The following MAML2 variants were observed in gnomAD, a reference collection of about 807,000 sequenced individuals.
MAML2 encodes mastermind like transcriptional coactivator 2, also known as mastermind-like protein 2.
Under a neutral mutation model 96.1 loss-of-function variants are expected in MAML2, and 22 were observed. That is an observed-to-expected ratio of 0.23 (90% CI 0.16 to 0.33). The LOEUF (loss-of-function observed/expected upper bound fraction) is 0.33. Ranked by LOEUF, MAML2 falls within the 10% of genes least tolerant of loss-of-function variation. The pLI, the probability that MAML2 is intolerant of heterozygous loss-of-function variation, is 1.00. For synonymous variants in MAML2, 561 were observed against 521.3 expected, an observed-to-expected ratio of 1.08 and a Z score of -1.04; for missense variants, 1,367 against 1,392.4, an observed-to-expected ratio of 0.98 and a Z score of 0.29.
At chr11:96,126,013 G>C (rs958563007) in intron 1 of MAML2, among the ~76,000 whole-genome samples, 1 of 152,176 alleles carries the variant, frequency 6.6e-6, no homozygotes, top group Non-Finnish European at 1.5e-5. Flanking sequence ...CAAGAACTCA[G>C]ACTTCAAGTG....
In MAML2 at chr11:96,282,142, G is replaced by A. The variant is rs530583499; in HGVS notation, c.513+59241C>T. On this transcript the variant is annotated intron_variant, in intron 1 of 4. Transcript: ENST00000524717. ...CGGGCCCCTGTAGTCCAAGCTACTC[G>A]GGAGGCTGAGGCAGGAGAATGGCGT... 1.9e-3 allele frequency among the ~76,000 whole-genome samples: 283 copies of A among 151,826 alleles called. 1 individual carries two copies. Among genetic ancestry groups the A allele is most frequent in the Non-Finnish European group, 1.9e-3 (129 of 67,932 alleles).
At chr11:96,187,928 C>A (rs1354934799) in intron 1 of MAML2, among the ~76,000 whole-genome samples, 1 of 152,304 alleles carries the variant, frequency 6.6e-6, no homozygotes, top group East Asian at 1.9e-4. Flanking sequence ...CTTCTGACTC[C>A]AGCACTGTGC....
At chr11:96,045,574 C>G (rs916599069) in intron 2 of MAML2, among the ~76,000 whole-genome samples, 1 of 152,150 alleles carries the variant, frequency 6.6e-6, no homozygotes, top group Non-Finnish European at 1.5e-5. Context: ...AACAAAACAA[C>G]AATCAGAAAG....
intron 2 of MAML2, among the ~76,000 whole-genome samples, chr11:95,993,242 A>G (rs1049440979): frequency 6.6e-6 from 1 of 151,826 alleles, no homozygotes; most frequent in African/African-American, 2.4e-5. Flanking sequence ...TCATTCACCA[A>G]CTAAACTATG....
intron 1 of MAML2, among the ~76,000 whole-genome samples, chr11:96,328,330 G>A (rs963650715): frequency 6.6e-6 from 1 of 151,946 alleles, no homozygotes; most frequent in African/African-American, 2.4e-5. Context: ...AAATTCTAAG[G>A]TGCTTAGAGG....
chr11:96,170,047 A>G (rs1861259707), intron 1 of MAML2, among the ~76,000 whole-genome samples: 1 of 152,228 alleles, frequency 6.6e-6, no homozygotes, highest in South Asian at 2.1e-4. Flanking sequence ...CTCCACAACA[A>G]AAATGCCTTC....
intron 3 of MAML2, among the ~76,000 whole-genome samples, chr11:95,986,354 C>T (rs950814182): frequency 9.2e-5 from 14 of 152,010 alleles, no homozygotes; most frequent in African/African-American, 2.4e-4. Context: ...CCCGCCATCA[C>T]GCCCAGCAAA....
At chr11:95,991,274 T>C (rs1300465563) in intron 3 of MAML2, among the ~76,000 whole-genome samples, 2 of 152,156 alleles carry the variant, frequency 1.3e-5, no homozygotes, top group African/African-American at 4.8e-5. Context: ...GTTCTAGACA[T>C]TCCTGGGCTG....
Position 96,092,623 on chromosome 11 carries a change from G to C in MAML2, c.1408C>G (p.Pro470Ala), listed in dbSNP as rs1406353759. The C allele has an allele frequency of 6.2e-7, 1 of 1,613,634 alleles. No individual in the cohort carries two copies. Among genetic ancestry groups the C allele is most frequent in the Non-Finnish European group, 8.5e-7 (1 of 1,179,742 alleles). The change falls in exon 2 of 5, where the codon CCA becomes GCA. Residue 470 changes from proline to alanine, a missense_variant. Pro to Ala is a conservative substitution (Grantham distance 27). Transcript: ENST00000524717. This position sits in a 1 kb window ranked among gnomAD's most constrained non-coding sequence, Gnocchi z 4.1. The stretch of plus-strand genomic sequence containing the variant: ...TCCTGCCCAAATGGACCTGGTGATG[G>C]TCCAGCAGAAGAGGGCAAGGCTGAC... ...NWSALPSSAG[P>A]SPGPFGQEKI...
chr11:96,320,224 T>C (rs1233580621), intron 1 of MAML2, among the ~76,000 whole-genome samples: 2 of 152,202 alleles, frequency 1.3e-5, no homozygotes, highest in Non-Finnish European at 2.9e-5. Context: ...ATTGATTGGA[T>C]TATGTCACCT....
At chr11:96,106,092 T>G (rs1002644947) in intron 1 of MAML2, among the ~76,000 whole-genome samples, 3 of 152,218 alleles carry the variant, frequency 2.0e-5, no homozygotes, top group Non-Finnish European at 4.4e-5. Context: ...AGCCTTTATA[T>G]TGTTTGCAGT....
chr11:96,239,324 G>C (rs1384649610), intron 1 of MAML2, among the ~76,000 whole-genome samples: 1 of 152,190 alleles, frequency 6.6e-6, no homozygotes. Flanking sequence ...TAGAAGAGAC[G>C]GAAGTGAATA....
chr11:96,204,997 T>C (rs930874349), intron 1 of MAML2, among the ~76,000 whole-genome samples: 2 of 152,238 alleles, frequency 1.3e-5, no homozygotes, highest in Non-Finnish European at 2.9e-5. Context: ...CCTATATCTG[T>C]TGCTTAGCAG....
At chr11:96,102,230 C>T (rs1859946876) in intron 1 of MAML2, among the ~76,000 whole-genome samples, 1 of 152,166 alleles carries the variant, frequency 6.6e-6, no homozygotes, top group Non-Finnish European at 1.5e-5. Context: ...GAGCCGAGAT[C>T]GCGTCACTGC....
intron 1 of MAML2, 148 bp from the exon 2 acceptor site, chr11:96,093,665 GA>G: frequency 1.6e-6 from 1 of 621,454 alleles, no homozygotes; most frequent in Non-Finnish European, 2.8e-6. Context: ...GAGCACAAAT[GA>G]AGCACAATCT....
chr11:96,264,100 C>A (rs1270058904), intron 1 of MAML2, among the ~76,000 whole-genome samples: 1 of 152,158 alleles, frequency 6.6e-6, no homozygotes, highest in African/African-American at 2.4e-5. Flanking sequence ...CTTGTTTGGG[C>A]TATTGTTCTA....
At chr11:96,228,265 A>G (rs1862242939) in intron 1 of MAML2, among the ~76,000 whole-genome samples, 1 of 152,112 alleles carries the variant, frequency 6.6e-6, no homozygotes, top group Admixed American at 6.5e-5. Context: ...AGCTAACTTC[A>G]ATCACTCCCT....
intron 4 of MAML2, among the ~76,000 whole-genome samples, chr11:95,982,049 A>G (rs1259973834): frequency 1.3e-5 from 2 of 152,322 alleles, no homozygotes; most frequent in East Asian, 3.9e-4. Flanking sequence ...TTTAATATCA[A>G]AATCTGGGAA....
At chr11:96,112,617 C>T (rs1860148503) in intron 1 of MAML2, among the ~76,000 whole-genome samples, 1 of 152,218 alleles carries the variant, frequency 6.6e-6, no homozygotes, top group Non-Finnish European at 1.5e-5. Context: ...GACCATTCTT[C>T]CCTCCCCTCT....
Sources: allele counts gnomAD v4.1 joint callset (sites outside exome capture counted in the v4.1 genomes callset), GRCh38; gene constraint gnomAD v4.1.1; non-coding constraint Gnocchi (gnomAD v3.1); transcripts MANE v1.5; gene names NCBI Gene and HGNC (gene_info 2026-07-23, HGNC 2026-07-21).